Variants in WDR64 observed in about 807,000 individuals in gnomAD.
WDR64 encodes the protein WD repeat-containing protein 64.
WDR64 carries 112 observed loss-of-function variants against 139.3 expected under a neutral mutation model. The ratio of observed to expected loss-of-function variants is 0.80; its 90% CI spans 0.69 to 0.94. WDR64 has a LOEUF of 0.94. Among genes scored for constraint, WDR64 ranks in the 40% least tolerant of loss-of-function variants. The pLI, the probability that WDR64 is intolerant of heterozygous loss-of-function variation, is 0.00. For missense variants in WDR64, 1,206 were observed against 1,293.1 expected (o/e 0.93, Z 1.03); for synonymous variants, 444 against 437.7 (o/e 1.01, Z -0.18).
Position 241,703,460 on chromosome 1 carries a change from G to T in WDR64, c.975-8342G>T, listed in dbSNP as rs894789131. Among the ~76,000 whole-genome samples, 4 of 144,040 alleles carry T rather than the reference G, an allele frequency of 2.8e-5. No homozygotes were observed. Among genetic ancestry groups the T allele is most frequent in the African/African-American group, 7.7e-5 (3 of 39,104 alleles). The allele number at this position is 144,040 out of a possible 152,430, so 94.5% of individuals were successfully genotyped here. On this transcript the variant is annotated intron_variant, in intron 8 of 27. Transcript: ENST00000437684. This position sits in a 1 kb window ranked among gnomAD's most constrained non-coding sequence, Gnocchi z 5.9. Reference sequence around the variant, plus strand: ...TTTTGATAGGGGACTCTATCAAAAAGTTTTTTTTTTTTTTCTGTTTTGAAG... The same window carrying T: ...TTTTGATAGGGGACTCTATCAAAAATTTTTTTTTTTTTTTCTGTTTTGAAG...
intron 14 of WDR64, among the ~76,000 whole-genome samples, chr1:241,753,774 A>G (rs1670067076): frequency 6.6e-6 from 1 of 152,216 alleles, no homozygotes; most frequent in South Asian, 2.1e-4. Flanking sequence ...AGCAAACAAA[A>G]GTATAAGGTA....
At chr1:241,736,027 C>G (rs973407202) in intron 10 of WDR64, among the ~76,000 whole-genome samples, 1 of 152,106 alleles carries the variant, frequency 6.6e-6, no homozygotes, top group Non-Finnish European at 1.5e-5. Context: ...CCTACCCTCA[C>G]TGGTCTCATA....
At chr1:241,774,988 A>G (rs1658598969) in intron 20 of WDR64, 117 bp from the exon 21 acceptor site, 1 of 755,694 alleles carries the variant, frequency 1.3e-6, no homozygotes, top group Non-Finnish European at 2.1e-6. Context: ...ATCGTGGTTC[A>G]GTAGTAGAGA....
chr1:241,728,833 T>TTTTTA (rs1411299508), intron 10 of WDR64, among the ~76,000 whole-genome samples: 1 of 151,716 alleles, frequency 6.6e-6, no homozygotes, highest in African/African-American at 2.4e-5. Context: ...CTTTTTTTTT[T>TTTTTA]TCTATGAAGG....
chr1:241,761,101 C>T (rs1347703875), intron 15 of WDR64, among the ~76,000 whole-genome samples: 1 of 152,176 alleles, frequency 6.6e-6, no homozygotes, highest in East Asian at 1.9e-4. Context: ...TATTTCCCCA[C>T]AGCCTTGCCA....
chr1:241,754,820 G>A (rs1670119920), intron 14 of WDR64, among the ~76,000 whole-genome samples: 1 of 151,980 alleles, frequency 6.6e-6, no homozygotes. Flanking sequence ...AACATGCGGT[G>A]TTTGGTTTTC....
rs529964387 is a variant in WDR64, at chr1:241,700,331, C to T, written c.975-11471C>T. Among the ~76,000 whole-genome samples, 315 of 151,862 alleles carry T rather than the reference C, an allele frequency of 2.1e-3. 1 individual carries two copies. Among genetic ancestry groups the T allele is most frequent in the Middle Eastern group, 0.01 (3 of 294 alleles). On this transcript the variant is annotated intron_variant, in intron 8 of 27. Coordinates refer to ENST00000437684, the MANE Select transcript of WDR64 (RefSeq NM_001367482.1). ...CCTACTTCCACTGGTTAAGCCCAAG[C>T]GCTCACCATTTCTCTTCTAAAGTAG...
chr1:241,790,149 G>A (rs1383984140), intron 24 of WDR64, among the ~76,000 whole-genome samples: 1 of 152,098 alleles, frequency 6.6e-6, no homozygotes, highest in East Asian at 1.9e-4. Context: ...TCAGGAGTTC[G>A]AGACCAGCCT....
At chr1:241,781,228 T>C (rs531369536) in intron 22 of WDR64, among the ~76,000 whole-genome samples, 1 of 152,350 alleles carries the variant, frequency 6.6e-6, no homozygotes, top group South Asian at 2.1e-4. Context: ...TAGAATAATA[T>C]TGAGTTACAA....
chr1:241,733,991 C>A (rs367655412), intron 10 of WDR64, among the ~76,000 whole-genome samples: 2 of 152,030 alleles, frequency 1.3e-5, no homozygotes, highest in South Asian at 4.2e-4. Flanking sequence ...GGAAAGTAAG[C>A]CTTGGGGGGC....
Position 241,790,571 on chromosome 1 carries a change from T to A in WDR64, c.2892-20T>A. 1 of 1,584,618 alleles carries A rather than the reference T, an allele frequency of 6.3e-7. No individual in the cohort carries two copies. Reference sequence around the variant, plus strand: ...ATAAAAGGTATGGGTATGTACTTATTCTTGTATCTTTATATGCAGATGGAG... The same window carrying A: ...ATAAAAGGTATGGGTATGTACTTATACTTGTATCTTTATATGCAGATGGAG... On this transcript the variant is annotated intron_variant, in intron 24 of 27. Transcript: ENST00000437684.
At chr1:241,797,184 G>A (rs1659391965) in intron 27 of WDR64, among the ~76,000 whole-genome samples, 1 of 152,160 alleles carries the variant, frequency 6.6e-6, no homozygotes. Context: ...GAAAATATTA[G>A]ACTCTCTTAG....
At position 241,683,535 on chromosome 1, in the gene WDR64, T is replaced by A; in HGVS notation, c.673T>A (p.Cys225Ser). 1 of 1,551,856 alleles carries A rather than the reference T, an allele frequency of 6.4e-7. No individual in the cohort carries two copies. The highest frequency in any genetic ancestry group is 8.7e-7 in the Non-Finnish European group (1 of 1,147,020). ...AATGGATCACTGCCTCCTGTGTGTG[T>A]GTGTGGTGCCTTTGCCTGACCATCT... Reference protein sequence around the residue: ...KPMDHCLLCVCVVPLPDHLCR... With the variant: ...KPMDHCLLCVSVVPLPDHLCR... Residue 225 changes from cysteine (C) to serine (S), a missense_variant, in exon 7 of 28, where the codon TGT (cysteine) becomes AGT (serine). Coordinates refer to ENST00000437684, the MANE Select transcript of WDR64 (RefSeq NM_001367482.1).
rs541365249 is a variant in WDR64, at chr1:241,730,227, T to C, written c.1194+6791T>C. Among the ~76,000 whole-genome samples, 3 of 152,334 alleles carry C rather than the reference T, an allele frequency of 2.0e-5. No homozygotes were observed. In the East Asian group the frequency reaches 5.8e-4, roughly 29 times the overall value. On this transcript the variant is annotated intron_variant, in intron 10 of 27. Coordinates refer to ENST00000437684, the MANE Select transcript of WDR64 (RefSeq NM_001367482.1). The stretch of plus-strand genomic sequence containing the variant: ...TAGTTCATCACCCAGGACAGCTCCT[T>C]GACAACCTTCAAAGGAAGACCCTGT...
intron 14 of WDR64, among the ~76,000 whole-genome samples, chr1:241,755,945 T>C (rs1670173041): frequency 6.6e-6 from 1 of 152,212 alleles, no homozygotes; most frequent in Non-Finnish European, 1.5e-5. Flanking sequence ...ACTAGTACCA[T>C]GCTGTTTTAG....
chr1:241,702,698 G>T (rs926079786), intron 8 of WDR64, among the ~76,000 whole-genome samples: 52 of 152,140 alleles, frequency 3.4e-4, no homozygotes, highest in Admixed American at 3.2e-3. Context: ...AACTAAGAAT[G>T]GTTTTTACAT....
At chr1:241,728,348 GA>G (rs11302541) in intron 10 of WDR64, among the ~76,000 whole-genome samples, 1,549 of 51,968 alleles carry the variant, frequency 0.03, 15 homozygotes, top group African/African-American at 0.093. Flanking sequence ...AGAAGAAGAA[GA>G]AAAAAAAAGC....
chr1:241,769,236 C>A (rs770343084), intron 16 of WDR64, among the ~76,000 whole-genome samples, 168 bp from the exon 17 acceptor site: 4 of 152,100 alleles, frequency 2.6e-5, no homozygotes, highest in Non-Finnish European at 1.5e-5. Context: ...TTAACAGAAC[C>A]TTGCTAAAAA....
rs1404997954 is a variant in WDR64, at chr1:241,744,326, G to C, written c.1471-67G>C. On this transcript the variant is annotated intron_variant, in intron 12 of 27. Transcript: ENST00000437684. ...TTTTTGAGGCTGTTTTGAATATGGTGTAATTCTGATGAGAATTGAAGGGCT... is the reference window on the plus strand; with the variant it reads ...TTTTTGAGGCTGTTTTGAATATGGTCTAATTCTGATGAGAATTGAAGGGCT... The C allele has an allele frequency of 4.4e-6, 7 of 1,589,388 alleles. No homozygotes were observed. The African/African-American group carries it at 9.5e-5, about 22-fold the overall frequency.
Sources: gnomAD v4.1 joint callset for allele counts (sites outside exome capture counted in the v4.1 genomes callset) on GRCh38, gnomAD v4.1.1 for gene constraint, Gnocchi (gnomAD v3.1) non-coding constraint, MANE v1.5 for transcripts, NCBI Gene and HGNC (gene_info 2026-07-23, HGNC 2026-07-21) for gene names.